The following SLC30A8 variants were observed in gnomAD, a reference collection of about 807,000 sequenced individuals.
The protein encoded by SLC30A8 is proton-coupled zinc antiporter SLC30A8.
SLC30A8 carries 27 observed loss-of-function variants against 36.9 expected under a neutral mutation model. That is an observed-to-expected ratio of 0.73 (90% CI 0.54 to 1.01). The LOEUF is 1.01. Among genes scored for constraint, SLC30A8 ranks in the 50% least tolerant of loss-of-function variants. The pLI is 0.00. For synonymous variants in SLC30A8, 164 were observed against 172.4 expected (o/e 0.95, Z 0.38); for missense variants, 439 against 452.0 (o/e 0.97, Z 0.26).
chr8:117,152,463 A>G (rs1286960676), intron 2 of SLC30A8, among the ~76,000 whole-genome samples: 3 of 152,130 alleles, frequency 2.0e-5, no homozygotes, highest in African/African-American at 4.8e-5. Context: ...TGGATAATAT[A>G]TATTAATAGA....
intron 3 of SLC30A8, among the ~76,000 whole-genome samples, chr8:117,156,259 T>C (rs1822481173): frequency 6.6e-6 from 1 of 152,128 alleles, no homozygotes; most frequent in Non-Finnish European, 1.5e-5. Context: ...GCCAGACTGG[T>C]CTTGAACTAT....
chr8:117,072,863 G>T (rs1818375190), intron 2 of SLC30A8, among the ~76,000 whole-genome samples: 1 of 149,406 alleles, frequency 6.7e-6, no homozygotes, highest in Non-Finnish European at 1.5e-5. Context: ...TTCAAATACA[G>T]GGGATTTTTT....
intron 1 of SLC30A8, among the ~76,000 whole-genome samples, chr8:117,004,671 C>T (rs1014531099): frequency 2.0e-5 from 3 of 152,128 alleles, no homozygotes; most frequent in Non-Finnish European, 4.4e-5. Context: ...TATCTTTAAA[C>T]AGAAACCAAA....
At chr8:117,150,033 T>C (rs185635454) in intron 2 of SLC30A8, among the ~76,000 whole-genome samples, 3 of 152,246 alleles carry the variant, frequency 2.0e-5, no homozygotes, top group African/African-American at 4.8e-5. Context: ...GGGGAGAACA[T>C]GCAAACTCCA....
chr8:116,958,840 C>CTTTT lies in SLC30A8; in HGVS notation c.-266+7721_-266+7722insTTTT, dbSNP rs1366507634. On this transcript the variant is annotated intron_variant, in intron 1 of 10. Coordinates refer to the SLC30A8 transcript ENST00000427715. The stretch of plus-strand genomic sequence containing the variant: ...TCCTATAGCCCACTGATGCTCTTTT[C>CTTTT]ATTTTTTTTTTTTTTTTTTTTTTTT... Among the ~76,000 whole-genome samples, 10 of 72,696 alleles carry CTTTT rather than the reference C, an allele frequency of 1.4e-4. No individual in the cohort carries two copies. The East Asian group carries it at 2.0e-3, about 14-fold the overall frequency. The allele number at this position is 72,696 out of a possible 152,430, so 47.7% of individuals were successfully genotyped here. A position where few individuals can be genotyped will look rare whatever the true frequency, so the allele number is the denominator to read the frequency against.
chr8:117,160,613 T>G (rs976748384), intron 4 of SLC30A8, among the ~76,000 whole-genome samples: 3 of 152,176 alleles, frequency 2.0e-5, no homozygotes, highest in Non-Finnish European at 2.9e-5. Context: ...TTTTTGTCAA[T>G]AAGATGAGTA....
At chr8:117,000,655 C>T (rs73312273) in intron 1 of SLC30A8, among the ~76,000 whole-genome samples, 4 of 151,974 alleles carry the variant, frequency 2.6e-5, no homozygotes, top group Non-Finnish European at 4.4e-5. Flanking sequence ...AAAAGCAATA[C>T]AAGAAAGCAA....
intron 2 of SLC30A8, among the ~76,000 whole-genome samples, chr8:117,078,389 G>A (rs1818557350): frequency 6.6e-6 from 1 of 152,164 alleles, no homozygotes; most frequent in African/African-American, 2.4e-5. Context: ...CTATGAGATA[G>A]GTGCTATTGC....
At chr8:117,140,276 T>A (rs546512941) in intron 1 of SLC30A8, among the ~76,000 whole-genome samples, 129 of 152,086 alleles carry the variant, frequency 8.5e-4, no homozygotes, top group Non-Finnish European at 1.7e-3. Context: ...GTTAAATGCA[T>A]TAACATATTC....
chr8:117,158,925 G>A (rs1822639103), intron 4 of SLC30A8, among the ~76,000 whole-genome samples: 1 of 152,222 alleles, frequency 6.6e-6, no homozygotes. Flanking sequence ...CAAATATGAT[G>A]AAGGATATTA....
chr8:117,100,202 T>G (rs2130854929), intron 2 of SLC30A8, among the ~76,000 whole-genome samples: 1 of 152,310 alleles, frequency 6.6e-6, no homozygotes, highest in African/African-American at 2.4e-5. Flanking sequence ...ATATATATCA[T>G]TTAGTATTTA....
intron 2 of SLC30A8, among the ~76,000 whole-genome samples, chr8:117,092,034 A>G (rs963235065): frequency 6.6e-6 from 1 of 152,154 alleles, no homozygotes; most frequent in African/African-American, 2.4e-5. Flanking sequence ...ACATAGAAGG[A>G]ATGGGAAAGA....
At position 117,173,251 on chromosome 8, in the gene SLC30A8, T is replaced by C. The variant is rs1823485469; in HGVS notation, c.*570T>C. The C allele has an allele frequency of 6.6e-6, 1 of 152,188 alleles. No homozygotes were observed. The highest frequency in any genetic ancestry group is 1.5e-5 in the Non-Finnish European group (1 of 68,034). 9.4% of individuals were successfully genotyped at this position (152,188 alleles called of 1,614,324 possible). A position where few individuals can be genotyped will look rare whatever the true frequency, so the allele number is the denominator to read the frequency against. On this transcript the variant is annotated 3_prime_UTR_variant, in exon 8 of 8. Transcript: ENST00000456015. ...ACAGAGAAGTGCTTACAACTAATTTTTATTTACTTGTCACATTTTGGCAAT... is the reference window on the plus strand; with the variant it reads ...ACAGAGAAGTGCTTACAACTAATTTCTATTTACTTGTCACATTTTGGCAAT...
At chr8:117,143,961 C>T (rs1038556344) in intron 1 of SLC30A8, among the ~76,000 whole-genome samples, 13 of 152,116 alleles carry the variant, frequency 8.5e-5, no homozygotes, top group Non-Finnish European at 1.5e-4. Context: ...GATAAATTAT[C>T]TCTCCTGGTC....
chr8:117,041,870 C>T (rs1281632168), intron 2 of SLC30A8, among the ~76,000 whole-genome samples: 2 of 152,104 alleles, frequency 1.3e-5, no homozygotes, highest in Admixed American at 1.3e-4. Flanking sequence ...CTCTTCATCC[C>T]GCCATTCGGT....
intron 2 of SLC30A8, among the ~76,000 whole-genome samples, chr8:117,069,587 T>C (rs961181792): frequency 1.3e-5 from 2 of 152,206 alleles, no homozygotes; most frequent in African/African-American, 4.8e-5. Flanking sequence ...GGATAATACA[T>C]GTCTAAGTAT....
At chr8:117,038,014 T>C (rs1817270042) in intron 1 of SLC30A8, among the ~76,000 whole-genome samples, 1 of 152,242 alleles carries the variant, frequency 6.6e-6, no homozygotes, top group East Asian at 1.9e-4. Flanking sequence ...GCAGAGGAAA[T>C]CCAAATTAAG....
chr8:116,982,462 A>C (rs1472462799), intron 1 of SLC30A8, among the ~76,000 whole-genome samples: 1 of 152,190 alleles, frequency 6.6e-6, no homozygotes, highest in Non-Finnish European at 1.5e-5. Context: ...ACAAAACATC[A>C]CCAGACTTCT....
At chr8:116,996,150 C>T (rs1317095980) in intron 1 of SLC30A8, among the ~76,000 whole-genome samples, 1 of 152,160 alleles carries the variant, frequency 6.6e-6, no homozygotes, top group Non-Finnish European at 1.5e-5. Context: ...TAGTCGCTAC[C>T]CATGACAAAG....
Sources: gnomAD v4.1 joint callset for allele counts (sites outside exome capture counted in the v4.1 genomes callset) on GRCh38, gnomAD v4.1.1 for gene constraint, MANE v1.5 for transcripts, NCBI Gene and HGNC (gene_info 2026-07-23, HGNC 2026-07-21) for gene names.